IPO11: variants seen among roughly 807,000 people sequenced by gnomAD.
IPO11 encodes the protein importin-11.
IPO11 carries 66 observed loss-of-function variants against 143.2 expected under a neutral mutation model. That is an observed-to-expected ratio of 0.46 (90% CI 0.38 to 0.57). IPO11 has a LOEUF of 0.57. Ranked by LOEUF, IPO11 falls within the 20% of genes least tolerant of loss-of-function variation. IPO11 has a pLI of 0.00. For synonymous variants in IPO11, 385 were observed against 377.8 expected, an observed-to-expected ratio of 1.02 and a Z score of -0.22; for missense variants, 1,026 against 1,141.0, an observed-to-expected ratio of 0.90 and a Z score of 1.45.
At chr5:62,560,829 C>A (rs1262743582) in intron 26 of IPO11, 1 of 177,874 alleles carries the variant, frequency 5.6e-6, no homozygotes, top group Non-Finnish European at 1.2e-5. Context: ...TTGAAAAATG[C>A]ATGTTTTTTT....
intron 3 of IPO11, among the ~76,000 whole-genome samples, chr5:62,447,270 T>G (rs1261002496): frequency 1.3e-5 from 2 of 152,036 alleles, no homozygotes; most frequent in Admixed American, 6.6e-5. Context: ...CAGTGGCTAA[T>G]TTTTAAATTT....
At position 62,619,216 on chromosome 5, in the gene IPO11, G is replaced by A. The variant is rs564270103; in HGVS notation, c.2764-7938G>A. On this transcript the variant is annotated intron_variant, in intron 29 of 29. Transcript: ENST00000325324. ...TGCACTCCAGCCTGGGAGACACAGC[G>A]AGACCCTGTTTCTAAAATGAAAAAT... is the stretch of plus-strand genomic sequence containing the variant. Among the ~76,000 whole-genome samples the A allele has an allele frequency of 2.6e-4, 39 of 152,212 alleles. No individual in the cohort carries two copies. The South Asian group carries it at 6.0e-3, about 23-fold the overall frequency.
At position 62,611,284 on chromosome 5, in the gene IPO11, A is replaced by G. The variant is rs531444914; in HGVS notation, c.2763+9436A>G. On this transcript the variant is annotated intron_variant, in intron 29 of 29. Transcript: ENST00000325324. ...AAACAATCCAAGAAGATAGGAAATA[A>G]TGAATTGAAATAATCCAACTGAGAT... is the stretch of plus-strand genomic sequence containing the variant. Among the ~76,000 whole-genome samples, 7 of 152,336 alleles carry G rather than the reference A, an allele frequency of 4.6e-5. No individual in the cohort carries two copies. In the South Asian group the frequency reaches 1.4e-3, roughly 32 times the overall value.
intron 27 of IPO11, among the ~76,000 whole-genome samples, chr5:62,563,765 A>G (rs557783435): frequency 5.3e-5 from 8 of 152,284 alleles, no homozygotes; most frequent in South Asian, 4.1e-4. Context: ...CACTTGTAGC[A>G]GTATTCTGGC....
intron 19 of IPO11, among the ~76,000 whole-genome samples, chr5:62,513,636 C>T (rs867881753): frequency 0.033 from 4,632 of 138,600 alleles, 3 homozygotes; most frequent in African/African-American, 0.086. Context: ...TAGGGGCGGC[C>T]GGGCAGAGGC....
chr5:62,471,954 A>G (rs1406531077), intron 7 of IPO11, among the ~76,000 whole-genome samples: 1 of 152,210 alleles, frequency 6.6e-6, no homozygotes, highest in Non-Finnish European at 1.5e-5. Context: ...CCTCCACAGT[A>G]TTGATACATA....
chr5:62,483,069 A>C (rs781639874), intron 9 of IPO11, 32 bp from the exon 10 acceptor site: 1 of 1,340,682 alleles, frequency 7.5e-7, no homozygotes, highest in African/African-American at 1.5e-5. Flanking sequence ...GGGAAAATAC[A>C]TTTTAATTTT....
chr5:62,561,243 G>T lies in IPO11; in HGVS notation c.2568G>T (p.Leu856=), dbSNP rs1327872914. 6.3e-7 allele frequency: 1 copy of T among 1,597,714 alleles called. No individual in the cohort carries two copies. Among genetic ancestry groups the T allele is most frequent in the East Asian group, 2.3e-5 (1 of 44,282 alleles). ...KLSALALLSL[L]PSDNSVIQDK... is the part of the protein sequence containing the mutation. The stretch of plus-strand genomic sequence containing the variant: ...CAGCTTTGGCTTTGCTCTCTCTTCT[G>T]CCATCTGATAATAGGTGAGGAAATG... The change falls in exon 27 of 30, where the codon CTG becomes CTT. Residue 856 remains leucine (L), a synonymous_variant. Coordinates refer to ENST00000325324, the MANE Select transcript of IPO11 (RefSeq NM_016338.5).
chr5:62,607,853 G>GTGCTATCTCAGCTCACTGCAACC (rs1276107040), intron 29 of IPO11, among the ~76,000 whole-genome samples: 2 of 151,150 alleles, frequency 1.3e-5, no homozygotes, highest in Admixed American at 6.6e-5. Flanking sequence ...GAGTGCAGTG[G>GTGCTATCTCAGCTCACTGCAACC]TGCTATCTCA....
At chr5:62,475,156 C>T (rs574205472) in intron 8 of IPO11, among the ~76,000 whole-genome samples, 9 of 152,138 alleles carry the variant, frequency 5.9e-5, no homozygotes, top group African/African-American at 1.4e-4. Flanking sequence ...ATCCGCCCAC[C>T]TTTGTCTCCC....
At chr5:62,493,854 C>T in intron 15 of IPO11, 144 bp from the exon 16 acceptor site, 1 of 739,276 alleles carries the variant, frequency 1.4e-6, no homozygotes, top group Non-Finnish European at 2.0e-6. Flanking sequence ...TAAGCATGAG[C>T]CAGCACACCT....
rs1316182427 is a variant in IPO11 at position 62,438,769 on chromosome 5, G to GA, written c.138+1353dup. 2.8e-5 allele frequency among the ~76,000 whole-genome samples: 4 copies of GA among 144,902 alleles called. No individual in the cohort carries two copies. In the East Asian group the frequency reaches 8.4e-4, roughly 30 times the overall value. ...CTCCATCTCAAAAAAAAAAGGGGGG[G>GA]AGCAGCGGGGCCAGGTGTGGTGGCT... On this transcript the variant is annotated intron_variant, in intron 2 of 29. Coordinates refer to ENST00000325324, the MANE Select transcript of IPO11 (RefSeq NM_016338.5).
At chr5:62,442,612 A>G (rs1027904491) in intron 2 of IPO11, among the ~76,000 whole-genome samples, 2 of 152,218 alleles carry the variant, frequency 1.3e-5, no homozygotes, top group Admixed American at 1.3e-4. Flanking sequence ...TAATCCCAGC[A>G]CTTTGGGAGG....
At chr5:62,518,399 G>A (rs1366467705) in intron 20 of IPO11, among the ~76,000 whole-genome samples, 1 of 151,650 alleles carries the variant, frequency 6.6e-6, no homozygotes, top group Non-Finnish European at 1.5e-5. Context: ...AGCTGAGATC[G>A]CGCCACTGTA....
intron 19 of IPO11, among the ~76,000 whole-genome samples, chr5:62,509,343 A>T (rs1741669947): frequency 6.6e-6 from 1 of 152,194 alleles, no homozygotes; most frequent in Admixed American, 6.5e-5. Context: ...TTTTAACCCC[A>T]ATGATAGAGC....
At chr5:62,506,111 C>T in intron 18 of IPO11, 130 bp from the exon 19 acceptor site, 2 of 521,120 alleles carry the variant, frequency 3.8e-6, no homozygotes, top group South Asian at 3.0e-5. Flanking sequence ...TAGGTAATGC[C>T]AAGCTTTTGG....
chr5:62,439,161 T>G (rs1340567106), intron 2 of IPO11, among the ~76,000 whole-genome samples: 1 of 151,880 alleles, frequency 6.6e-6, no homozygotes, highest in Non-Finnish European at 1.5e-5. Context: ...GGCCAAAATA[T>G]AAAACACTTT....
chr5:62,599,301 A>G (rs1745411541), intron 28 of IPO11, among the ~76,000 whole-genome samples: 1 of 152,250 alleles, frequency 6.6e-6, no homozygotes, highest in Non-Finnish European at 1.5e-5. Flanking sequence ...AGTGGAACTA[A>G]GCTTTTTTTA....
chr5:62,434,314 T>G (rs1375721165), intron 1 of IPO11, among the ~76,000 whole-genome samples: 1 of 151,936 alleles, frequency 6.6e-6, no homozygotes. Flanking sequence ...TTTTTGTTTG[T>G]TTGTTTTGAG....
Sources: allele counts gnomAD v4.1 joint callset (sites outside exome capture counted in the v4.1 genomes callset), GRCh38; gene constraint gnomAD v4.1.1; transcripts MANE v1.5; gene names NCBI Gene and HGNC (gene_info 2026-07-23, HGNC 2026-07-21).